The following SIGLEC5 variants were observed in gnomAD, a reference collection of about 807,000 sequenced individuals.
The protein encoded by SIGLEC5 is sialic acid-binding Ig-like lectin 5.
SIGLEC5 carries 34 observed loss-of-function variants against 45.9 expected under a neutral mutation model. That is an observed-to-expected ratio of 0.74 (90% CI 0.56 to 0.99). SIGLEC5 has a LOEUF of 0.99. Among genes scored for constraint, SIGLEC5 ranks in the 50% least tolerant of loss-of-function variants. The pLI is 0.00. For synonymous variants in SIGLEC5, 203 were observed against 258.6 expected, an observed-to-expected ratio of 0.79 and a Z score of 2.06; for missense variants, 508 against 629.6, an observed-to-expected ratio of 0.81 and a Z score of 2.07.
At chr19:51,628,911 G>A in intron 4 of SIGLEC5, 127 bp downstream of exon 4, 1 of 934,354 alleles carries the variant, frequency 1.1e-6, no homozygotes, top group Non-Finnish European at 1.7e-6. Context: ...GAAGGTGGAA[G>A]CCAGAAGGCA....
chr19:51,624,062 G>C (rs189561836), intron 8 of SIGLEC5, among the ~76,000 whole-genome samples: 7 of 152,208 alleles, frequency 4.6e-5, no homozygotes, highest in Non-Finnish European at 1.0e-4. Flanking sequence ...AGGAAGCTGA[G>C]GCAGGAGAGT....
At position 51,627,862 on chromosome 19, in the gene SIGLEC5, C is replaced by T. The variant is rs750944014; in HGVS notation, c.969G>A (p.Leu323=). 17 of 1,607,478 alleles carry T rather than the reference C, an allele frequency of 1.1e-5. No individual in the cohort carries two copies. In the South Asian group the frequency reaches 1.6e-4, roughly 15 times the overall value. ...TCRAQHPLGF[L]QIFLNLSVYS... ...AAACTGAGAGATTCAGAAAAATTTG[C>T]AGGAAGCCCAGCGGGTGCTGAGCGC... Residue 323 remains leucine, a synonymous_variant, in exon 5 of 9, where the codon CTG becomes CTA. Transcript: ENST00000683636.
chr19:51,612,459 T>C (rs1179183227), intron 8 of SIGLEC5, 37 bp from the exon 9 acceptor site: 1 of 1,444,880 alleles, frequency 6.9e-7, no homozygotes, highest in African/African-American at 1.4e-5. Flanking sequence ...ACAGTAGGAA[T>C]AAAGAGGCAG....
At chr19:51,629,017 C>G (rs1441908703) in intron 4 of SIGLEC5, 21 bp downstream of exon 4, 8 of 1,611,944 alleles carry the variant, frequency 5.0e-6, no homozygotes, top group Non-Finnish European at 6.8e-6. Context: ...GTCCCAGCTT[C>G]AGAGAGGAGG....
rs1168445472 is a variant in SIGLEC5, at chr19:51,611,962, C to T, written c.*269G>A. Reference sequence around the variant, plus strand: ...TCCATGTGTTGATTTCTTTAATGTTCACAACAACCTTTGAGGTAGCATGCA... The same window carrying T: ...TCCATGTGTTGATTTCTTTAATGTTTACAACAACCTTTGAGGTAGCATGCA... On this transcript the variant is annotated 3_prime_UTR_variant, in exon 9 of 9. Coordinates refer to ENST00000683636, the MANE Select transcript of SIGLEC5 (RefSeq NM_003830.4). 4 of 237,690 alleles carry T rather than the reference C, an allele frequency of 1.7e-5. No individual in the cohort carries two copies. Among genetic ancestry groups the T allele is most frequent in the African/African-American group, 9.0e-5 (4 of 44,218 alleles). The allele number at this position is 237,690 out of a possible 1,614,324, so 14.7% of individuals were successfully genotyped here.
At chr19:51,622,796 G>T (rs1319610904) in intron 8 of SIGLEC5, among the ~76,000 whole-genome samples, 1 of 152,152 alleles carries the variant, frequency 6.6e-6, no homozygotes, top group African/African-American at 2.4e-5. Context: ...CAAAAGAAAA[G>T]CATACTCTCT....
At chr19:51,623,184 TAA>T (rs1295385886) in intron 8 of SIGLEC5, among the ~76,000 whole-genome samples, 1 of 152,206 alleles carries the variant, frequency 6.6e-6, no homozygotes, top group Middle Eastern at 3.4e-3. Context: ...CCCACAAAAT[TAA>T]AAATAAAAGC....
Position 51,629,471 on chromosome 19 carries a change from G to A in SIGLEC5, c.587C>T (p.Ser196Leu), listed in dbSNP as rs1311292762. ...GGGCCTGGGGGTGAGGGTGAGCTCC[G>A]AGGAGCGGGTGGTCTCGGGGTCCAG... ...SPLDPETTRS[S>L]ELTLTPRPED... Residue 196 changes from serine to leucine, a missense_variant, in exon 3 of 9, where the codon TCG becomes TTG. Physicochemically the swap from Ser to Leu is moderately radical, Grantham distance 145 (BLOSUM62 -2). Coordinates refer to ENST00000683636, the MANE Select transcript of SIGLEC5 (RefSeq NM_003830.4). 6.2e-7 allele frequency: 1 copy of A among 1,612,960 alleles called. No homozygotes were observed. Among genetic ancestry groups the A allele is most frequent in the East Asian group, 2.2e-5 (1 of 44,832 alleles).
Position 51,611,465 on chromosome 19 carries a change from G to A in SIGLEC5, c.*766C>T, listed in dbSNP as rs1982846644. ...GGCTTAAGGAAGGGTTAGGCAAGAG[G>A]AAAGTATAAATGAATAGATAGCAGG... On this transcript the variant is annotated 3_prime_UTR_variant, in exon 9 of 9. Transcript: ENST00000683636. Among the ~76,000 whole-genome samples, 1 of 152,212 alleles carries A rather than the reference G, an allele frequency of 6.6e-6. No homozygotes were observed. The highest frequency in any genetic ancestry group is 6.5e-5 in the Admixed American group (1 of 15,276).
intron 8 of SIGLEC5, among the ~76,000 whole-genome samples, chr19:51,625,809 A>G (rs1983455453): frequency 6.6e-6 from 1 of 152,170 alleles, no homozygotes; most frequent in Admixed American, 6.5e-5. Context: ...CAGCCTGGGT[A>G]ACAAGAGTGA....
At chr19:51,612,498 A>T in intron 8 of SIGLEC5, 76 bp from the exon 9 acceptor site, 1 of 1,071,098 alleles carries the variant, frequency 9.3e-7, no homozygotes. Flanking sequence ...TTATATTTAT[A>T]TGTTGCCTTG....
At chr19:51,622,880 G>C (rs1434776115) in intron 8 of SIGLEC5, among the ~76,000 whole-genome samples, 1 of 152,078 alleles carries the variant, frequency 6.6e-6, no homozygotes, top group Non-Finnish European at 1.5e-5. Flanking sequence ...TTGTCTTTCT[G>C]TGCCTGCCTT....
At chr19:51,614,229 C>G (rs1982966928) in intron 8 of SIGLEC5, among the ~76,000 whole-genome samples, 1 of 152,198 alleles carries the variant, frequency 6.6e-6, no homozygotes, top group African/African-American at 2.4e-5. Context: ...ACTGCAACCT[C>G]CCGTCCCTGG....
chr19:51,621,657 T>C (rs1425434967), intron 8 of SIGLEC5: 1 of 152,224 alleles, frequency 6.6e-6, no homozygotes, highest in Non-Finnish European at 1.5e-5. Flanking sequence ...TTTCAGATGG[T>C]ATCTATATTT....
rs183620496 is a variant in SIGLEC5 at position 51,629,079 on chromosome 19, G to T, written c.701-3C>A. On this transcript the variant is annotated splice_region_variant and splice_polypyrimidine_tract_variant and intron_variant, in intron 3 of 8. Transcript: ENST00000683636. ...GATGGTGATGGTCTGTGGAGCATCT[G>T]GGATAAAAAGATATAAACTTGGCTT... is the stretch of plus-strand genomic sequence containing the variant. The T allele has an allele frequency of 4.0e-5, 65 of 1,613,772 alleles. No individual in the cohort carries two copies. The African/African-American group carries it at 8.3e-4, about 21-fold the overall frequency.
intron 8 of SIGLEC5, among the ~76,000 whole-genome samples, chr19:51,625,694 G>C (rs766718846): frequency 6.6e-6 from 1 of 152,204 alleles, no homozygotes; most frequent in South Asian, 2.1e-4. Flanking sequence ...GCCGGGCATG[G>C]TGGTGTGCGC....
At chr19:51,618,305 A>G (rs1357301867) in intron 8 of SIGLEC5, among the ~76,000 whole-genome samples, 3 of 151,970 alleles carry the variant, frequency 2.0e-5, no homozygotes, top group Non-Finnish European at 2.9e-5. Context: ...GGTAGAGCAT[A>G]AATACATAAA....
intron 8 of SIGLEC5, among the ~76,000 whole-genome samples, chr19:51,619,247 A>G (rs1425977272): frequency 6.6e-6 from 1 of 152,056 alleles, no homozygotes; most frequent in African/African-American, 2.4e-5. Flanking sequence ...ATGCCCAGGT[A>G]ATTTTTATAT....
intron 4 of SIGLEC5, 84 bp from the exon 5 acceptor site, chr19:51,628,175 A>G (rs1276220136): frequency 8.5e-6 from 12 of 1,416,894 alleles, no homozygotes; most frequent in Admixed American, 5.1e-5. Flanking sequence ...CAGGATCCAG[A>G]TGACATCTCC....
Sources: allele counts gnomAD v4.1 joint callset (sites outside exome capture counted in the v4.1 genomes callset), GRCh38; gene constraint gnomAD v4.1.1; transcripts MANE v1.5; gene names NCBI Gene and HGNC (gene_info 2026-07-23, HGNC 2026-07-21).